Variants in SYNPR observed in about 807,000 individuals in gnomAD.
The protein encoded by SYNPR is synaptoporin.
Under a neutral mutation model 32.9 loss-of-function variants are expected in SYNPR, and 23 were observed. That is an observed-to-expected ratio of 0.70 (90% CI 0.50 to 0.99). The LOEUF (loss-of-function observed/expected upper bound fraction) is 0.99. SYNPR is among the 50% of genes least tolerant of loss of function. The pLI is 0.00. For synonymous variants in SYNPR, 146 were observed against 135.9 expected, an observed-to-expected ratio of 1.07 and a Z score of -0.52; for missense variants, 318 against 349.3, an observed-to-expected ratio of 0.91 and a Z score of 0.71.
chr3:63,517,301 C>G (rs761141509), intron 3 of SYNPR, among the ~76,000 whole-genome samples: 3 of 152,092 alleles, frequency 2.0e-5, no homozygotes, highest in Non-Finnish European at 4.4e-5. Context: ...GCTTGAGATT[C>G]ATTGTGGCGG....
intron 2 of SYNPR, among the ~76,000 whole-genome samples, chr3:63,419,189 GC>G (rs1396999352): frequency 6.6e-6 from 1 of 152,306 alleles, no homozygotes; most frequent in East Asian, 1.9e-4. Flanking sequence ...GTGATGGCAA[GC>G]CCCCTGGATG....
At chr3:63,423,503 T>C (rs1031757298) in intron 2 of SYNPR, 1 of 152,342 alleles carries the variant, frequency 6.6e-6, no homozygotes, top group African/African-American at 2.4e-5. Flanking sequence ...AATGTTGGCT[T>C]GGCAAGGTCC....
At chr3:63,555,738 A>T (rs1045610734) in intron 3 of SYNPR, among the ~76,000 whole-genome samples, 1 of 152,222 alleles carries the variant, frequency 6.6e-6, no homozygotes, top group East Asian at 1.9e-4. Flanking sequence ...TGCCTAAAAA[A>T]TGTCAGGTGT....
intron 2 of SYNPR, among the ~76,000 whole-genome samples, chr3:63,447,411 T>C (rs58239130): frequency 0.035 from 5,402 of 152,252 alleles, 319 homozygotes; most frequent in African/African-American, 0.12. Context: ...AACATATTGA[T>C]CATTAAGCAC....
chr3:63,247,311 G>A (rs984332430), intron 1 of SYNPR, among the ~76,000 whole-genome samples: 1 of 151,308 alleles, frequency 6.6e-6, no homozygotes, highest in Admixed American at 6.6e-5. Flanking sequence ...TTTCCTCTAT[G>A]AACCTTAGGT....
intron 5 of SYNPR, chr3:63,610,447 C>T: frequency 4.4e-6 from 3 of 687,800 alleles, no homozygotes; most frequent in Non-Finnish European, 8.0e-6. Context: ...ATTATCTTTG[C>T]TTCAAGATTA....
intron 2 of SYNPR, among the ~76,000 whole-genome samples, chr3:63,324,850 G>C (rs978238120): frequency 6.6e-6 from 1 of 151,992 alleles, no homozygotes; most frequent in African/African-American, 2.4e-5. Context: ...AGATGGTGAC[G>C]GGTAACTGAC....
intron 2 of SYNPR, among the ~76,000 whole-genome samples, chr3:63,255,000 G>C (rs1245569338): frequency 6.6e-6 from 1 of 152,078 alleles, no homozygotes; most frequent in African/African-American, 2.4e-5. Flanking sequence ...CCTTGATCTT[G>C]GACTTGCAGC....
chr3:63,242,271 T>C (rs2106881705), intron 1 of SYNPR, among the ~76,000 whole-genome samples: 1 of 152,016 alleles, frequency 6.6e-6, no homozygotes, highest in East Asian at 1.9e-4. Flanking sequence ...GTACAGGCCC[T>C]AATGGCTGGA....
intron 2 of SYNPR, among the ~76,000 whole-genome samples, chr3:63,320,877 T>A (rs1267497882): frequency 6.6e-6 from 1 of 152,100 alleles, no homozygotes; most frequent in Non-Finnish European, 1.5e-5. Context: ...ACTACTCAGT[T>A]TTTCAGAAAC....
intron 2 of SYNPR, among the ~76,000 whole-genome samples, chr3:63,353,741 C>A (rs2087539428): frequency 6.6e-6 from 1 of 152,176 alleles, no homozygotes; most frequent in Admixed American, 6.5e-5. Context: ...GCAAATGAAG[C>A]AGGCTTCTTA....
At chr3:63,493,645 A>T (rs886607445) in intron 3 of SYNPR, among the ~76,000 whole-genome samples, 1 of 151,776 alleles carries the variant, frequency 6.6e-6, no homozygotes, top group Non-Finnish European at 1.5e-5. Flanking sequence ...GTGAAACCTC[A>T]TCTCTACTGA....
intron 2 of SYNPR, among the ~76,000 whole-genome samples, chr3:63,291,144 C>T (rs1416616018): frequency 6.6e-6 from 1 of 152,072 alleles, no homozygotes; most frequent in African/African-American, 2.4e-5. Flanking sequence ...AAGTCTCAAC[C>T]ACAGACTTTG....
intron 4 of SYNPR, among the ~76,000 whole-genome samples, chr3:63,565,987 T>C (rs552598116): frequency 3.5e-4 from 54 of 152,246 alleles, no homozygotes; most frequent in African/African-American, 1.3e-3. Context: ...TTCAGCTTCA[T>C]AGTCTCTTTC....
At chr3:63,344,351 T>C (rs1041293651) in intron 2 of SYNPR, among the ~76,000 whole-genome samples, 3 of 152,188 alleles carry the variant, frequency 2.0e-5, no homozygotes, top group Admixed American at 2.0e-4. Context: ...GTCAGAAAGC[T>C]CTGGATACAA....
chr3:63,338,931 C>T (rs556762087), intron 2 of SYNPR, among the ~76,000 whole-genome samples: 21 of 152,294 alleles, frequency 1.4e-4, no homozygotes, highest in Admixed American at 8.5e-4. Flanking sequence ...ACCATGTCAG[C>T]GAATATTGGA....
chr3:63,322,185 C>T (rs898336240), intron 2 of SYNPR, among the ~76,000 whole-genome samples: 3 of 151,994 alleles, frequency 2.0e-5, no homozygotes, highest in Non-Finnish European at 2.9e-5. Flanking sequence ...TTAGTGCCTA[C>T]AGGAATATAG....
intron 2 of SYNPR, among the ~76,000 whole-genome samples, chr3:63,329,552 G>A (rs970793339): frequency 6.6e-6 from 1 of 152,192 alleles, no homozygotes; most frequent in African/African-American, 2.4e-5. Context: ...AAAATGTAAT[G>A]TAATACATTT....
At position 63,569,707 on chromosome 3, in the gene SYNPR, G is replaced by A. The variant is rs534973785; in HGVS notation, c.408+12966G>A. On this transcript the variant is annotated intron_variant, in intron 4 of 5. Transcript: ENST00000478300. ...TGGGCTCTGCATGCCCTCAGCTTTG[G>A]CAGTATCCTTTCTCATTGAGACTCA... Among the ~76,000 whole-genome samples the A allele has an allele frequency of 4.6e-5, 7 of 152,356 alleles. No individual in the cohort carries two copies. The South Asian group carries it at 1.5e-3, about 32-fold the overall frequency.
Sources: allele counts gnomAD v4.1 joint callset (sites outside exome capture counted in the v4.1 genomes callset), GRCh38; gene constraint gnomAD v4.1.1; transcripts MANE v1.5; gene names NCBI Gene and HGNC (gene_info 2026-07-23, HGNC 2026-07-21).